Variants in ZNF33B observed in about 807,000 individuals in gnomAD.
The protein encoded by ZNF33B is zinc finger protein 11b (KOX 2).
A neutral mutation model predicts 45.8 loss-of-function variants in ZNF33B; 29 were observed. The observed-to-expected ratio is 0.63, with a 90% CI of 0.47 to 0.86. The LOEUF (loss-of-function observed/expected upper bound fraction) is 0.86. ZNF33B is among the 40% of genes least tolerant of loss of function. The probability of loss-of-function intolerance (pLI) is 0.00; values close to 1 mark genes in which losing one functional copy is unlikely to be tolerated. For synonymous variants in ZNF33B, 305 were observed against 307.8 expected, an observed-to-expected ratio of 0.99 and a Z score of 0.10; for missense variants, 831 against 909.9, an observed-to-expected ratio of 0.91 and a Z score of 1.12.
downstream of ZNF33B, among the ~76,000 whole-genome samples, chr10:42,586,300 C>T (rs1589013543): frequency 6.6e-6 from 1 of 151,734 alleles, no homozygotes; most frequent in Admixed American, 6.6e-5. Context: ...GCTACAGGTG[C>T]CTGCCACCAC....
At chr10:42,613,726 G>A (rs1838195213) in intron 4 of ZNF33B, among the ~76,000 whole-genome samples, 1 of 152,118 alleles carries the variant, frequency 6.6e-6, no homozygotes, top group South Asian at 2.1e-4. Context: ...GATACAGATG[G>A]TTACATGTAG....
intron 4 of ZNF33B, among the ~76,000 whole-genome samples, chr10:42,600,678 G>C (rs1837580523): frequency 6.6e-6 from 1 of 151,990 alleles, no homozygotes; most frequent in South Asian, 2.1e-4. Flanking sequence ...GATCATCAAT[G>C]TTTATAAAAG....
At position 42,592,420 on chromosome 10, in the gene ZNF33B, A is replaced by C; in HGVS notation, c.*193T>G. On this transcript the variant is annotated 3_prime_UTR_variant, in exon 5 of 5. Transcript: ENST00000359467. The stretch of plus-strand genomic sequence containing the variant: ...ACCATCTGATATTCAACAGAATATC[A>C]CTTCCTAACAAAAGCCATCCTATAG... 1 of 819,982 alleles carries C rather than the reference A, an allele frequency of 1.2e-6. No individual in the cohort carries two copies. The highest frequency in any genetic ancestry group is 1.8e-6 in the Non-Finnish European group (1 of 545,560). 50.8% of individuals were successfully genotyped at this position (819,982 alleles called of 1,614,324 possible). A position where few individuals can be genotyped will look rare whatever the true frequency, so the allele number is the denominator to read the frequency against.
chr10:42,592,387 C>G lies in ZNF33B; in HGVS notation c.*226G>C. The G allele has an allele frequency of 1.5e-6, 1 of 650,806 alleles. No individual in the cohort carries two copies. Among genetic ancestry groups the G allele is most frequent in the Non-Finnish European group, 2.3e-6 (1 of 436,044 alleles). The allele number at this position is 650,806 out of a possible 1,614,324, so 40.3% of individuals were successfully genotyped here. ...CAAAAAAATCTGTGAGGTTTTATGCCAGTATTAACCATCTGATATTCAACA... is the reference window on the plus strand; with the variant it reads ...CAAAAAAATCTGTGAGGTTTTATGCGAGTATTAACCATCTGATATTCAACA... On this transcript the variant is annotated 3_prime_UTR_variant, in exon 5 of 5. Coordinates refer to ENST00000359467, the MANE Select transcript of ZNF33B (RefSeq NM_006955.3).
At chr10:42,600,419 A>C (rs1311185731) in intron 4 of ZNF33B, among the ~76,000 whole-genome samples, 1 of 152,158 alleles carries the variant, frequency 6.6e-6, no homozygotes. Context: ...GATCTCTATC[A>C]ATATGAAAAA....
At chr10:42,629,282 T>C (rs1838945058) in intron 4 of ZNF33B, among the ~76,000 whole-genome samples, 1 of 151,820 alleles carries the variant, frequency 6.6e-6, no homozygotes, top group Admixed American at 6.6e-5. Context: ...GGACAGTAAC[T>C]AGAGGCTGGG....
intron 4 of ZNF33B, among the ~76,000 whole-genome samples, chr10:42,601,741 G>C (rs933655032): frequency 2.0e-5 from 3 of 151,696 alleles, no homozygotes; most frequent in Non-Finnish European, 2.9e-5. Context: ...CAAAGTGCTG[G>C]GATTACAGGC....
chr10:42,601,995 GAAAC>G (rs1425878243), intron 4 of ZNF33B, among the ~76,000 whole-genome samples: 1 of 136,752 alleles, frequency 7.3e-6, no homozygotes, highest in East Asian at 2.2e-4. Context: ...TTGGCTCACT[GAAAC>G]ACCCACCTCC....
In ZNF33B at chr10:42,632,316, A is replaced by G. The variant is rs1839097799; in HGVS notation, c.133T>C (p.Tyr45His). ...ALYRDVMLEN[Y>H]SNLVSVGYCA... ...TTACCCACTGAGACAAGGTTGCTGT[A>G]GTTCTCCAGCATCACATCTCTATAC... Residue 45 changes from tyrosine to histidine, a missense_variant, in exon 3 of 5, where the codon TAC (tyrosine) becomes CAC (histidine). By Grantham distance (83) the Tyr-to-His change is moderately conservative (BLOSUM62 2). Transcript: ENST00000359467. The G allele has an allele frequency of 6.2e-7, 1 of 1,603,952 alleles. No homozygotes were observed. The highest frequency in any genetic ancestry group is 8.5e-7 in the Non-Finnish European group (1 of 1,176,658).
At chr10:42,588,407 G>A (rs1360376472), downstream of ZNF33B, among the ~76,000 whole-genome samples, 1 of 152,212 alleles carries the variant, frequency 6.6e-6, no homozygotes, top group Non-Finnish European at 1.5e-5. Flanking sequence ...CTGTCAGTTA[G>A]CCAAGAGCAG....
rs565189981 is a variant in ZNF33B, at chr10:42,621,665, C to T, written c.250+10264G>A. Among the ~76,000 whole-genome samples the T allele has an allele frequency of 2.0e-5, 3 of 152,174 alleles. No individual in the cohort carries two copies. The South Asian group carries it at 6.2e-4, about 32-fold the overall frequency. On this transcript the variant is annotated intron_variant, in intron 4 of 4. Transcript: ENST00000359467. ...TGACAAAATCCAACCCCTTTCAGGA[C>T]AAATACATTCAGAAAACACAAAACA... is the stretch of plus-strand genomic sequence containing the variant.
At chr10:42,615,080 T>C (rs756663510) in intron 4 of ZNF33B, among the ~76,000 whole-genome samples, 77 of 152,302 alleles carry the variant, frequency 5.1e-4, no homozygotes, top group Middle Eastern at 3.4e-3. Context: ...ATAAAAAGTG[T>C]TGGCAAACTG....
At chr10:42,630,084 CTTCT>C (rs946015590) in intron 4 of ZNF33B, among the ~76,000 whole-genome samples, 3 of 152,294 alleles carry the variant, frequency 2.0e-5, no homozygotes, top group South Asian at 4.1e-4. Context: ...AACCTCCAAT[CTTCT>C]TTCTTTCCTG....
intron 4 of ZNF33B, among the ~76,000 whole-genome samples, chr10:42,613,151 A>G (rs546990720): frequency 1.3e-5 from 2 of 152,344 alleles, no homozygotes; most frequent in African/African-American, 4.8e-5. Flanking sequence ...TCTGCACATA[A>G]GTACTATATT....
intron 1 of ZNF33B, 35 bp downstream of exon 1, chr10:42,638,439 C>G: frequency 5.7e-6 from 2 of 348,894 alleles, no homozygotes; most frequent in East Asian, 1.9e-4. Flanking sequence ...GCGCGGGGCC[C>G]CCTCTCCGTC....
At chr10:42,615,361 T>C (rs572652286) in intron 4 of ZNF33B, among the ~76,000 whole-genome samples, 3 of 152,234 alleles carry the variant, frequency 2.0e-5, no homozygotes, top group African/African-American at 7.2e-5. Flanking sequence ...AAATGTAGTA[T>C]ACCTATATAC....
intron 1 of ZNF33B, chr10:42,582,231 A>G (rs1836841690): frequency 6.6e-6 from 1 of 152,198 alleles, no homozygotes; most frequent in South Asian, 2.1e-4. Context: ...GGCTCATAGG[A>G]GTCTCCTTAT....
At chr10:42,601,481 T>G (rs551921903) in intron 4 of ZNF33B, among the ~76,000 whole-genome samples, 16 of 140,610 alleles carry the variant, frequency 1.1e-4, no homozygotes, top group Admixed American at 3.6e-4. Context: ...TTTTTTTTTT[T>G]TTTTTTTTTT....
At chr10:42,575,840 G>A (rs1275977936) in intron 1 of ZNF33B, among the ~76,000 whole-genome samples, 9 of 150,548 alleles carry the variant, frequency 6.0e-5, no homozygotes, top group South Asian at 2.1e-4. Context: ...AGCGATTCTC[G>A]TGCCTCAGCC....
Sources: gnomAD v4.1 joint callset for allele counts (sites outside exome capture counted in the v4.1 genomes callset) on GRCh38, gnomAD v4.1.1 for gene constraint, MANE v1.5 for transcripts, NCBI Gene and HGNC (gene_info 2026-07-23, HGNC 2026-07-21) for gene names.